Variants in ADGRL2 observed in about 807,000 individuals in gnomAD.
The protein encoded by ADGRL2 is calcium-independent alpha-latrotoxin receptor 2.
Under a neutral mutation model 157.4 loss-of-function variants are expected in ADGRL2, and 44 were observed. The observed-to-expected ratio is 0.28, with a 90% confidence interval of 0.22 to 0.36. ADGRL2 has a LOEUF of 0.36. ADGRL2 is among the 10% of genes least tolerant of loss of function. The pLI is 1.00. For synonymous variants in ADGRL2, 585 were observed against 624.7 expected, an observed-to-expected ratio of 0.94 and a Z score of 0.95; for missense variants, 1,510 against 1,768.9, an observed-to-expected ratio of 0.85 and a Z score of 2.63.
At chr1:81,477,667 C>T (rs79915205) in intron 2 of ADGRL2, among the ~76,000 whole-genome samples, 5,312 of 152,262 alleles carry the variant, frequency 0.035, 300 homozygotes, top group African/African-American at 0.12. Context: ...AAGAACAAAA[C>T]AGATGCATGC....
intron 1 of ADGRL2, among the ~76,000 whole-genome samples, chr1:81,371,597 A>G (rs537369992): frequency 6.6e-6 from 1 of 152,368 alleles, no homozygotes; most frequent in East Asian, 1.9e-4. Flanking sequence ...CTTGTAAATG[A>G]AACTTTGCAT....
At chr1:81,608,803 T>TC (rs1291497537) in intron 3 of ADGRL2, among the ~76,000 whole-genome samples, 1 of 152,210 alleles carries the variant, frequency 6.6e-6, no homozygotes, top group Non-Finnish European at 1.5e-5. Context: ...CCAATATTAC[T>TC]TGCCCATTTC....
intron 1 of ADGRL2, among the ~76,000 whole-genome samples, chr1:81,719,730 G>A (rs12729611): frequency 0.02 from 2,979 of 151,992 alleles, 48 homozygotes; most frequent in Non-Finnish European, 0.03. Context: ...CATCCCTTAG[G>A]TCTGGGATAT....
At chr1:81,854,357 T>G (rs2093127371) in intron 2 of ADGRL2, among the ~76,000 whole-genome samples, 1 of 152,178 alleles carries the variant, frequency 6.6e-6, no homozygotes, top group Non-Finnish European at 1.5e-5. Flanking sequence ...GTAGTGAAAT[T>G]ACATTTGTAC....
intron 1 of ADGRL2, among the ~76,000 whole-genome samples, chr1:81,427,780 A>C (rs189559967): frequency 8.5e-5 from 13 of 152,288 alleles, no homozygotes; most frequent in Non-Finnish European, 1.8e-4. Context: ...TTAAACAGGA[A>C]ACCTTCTTGT....
At chr1:81,639,262 T>A (rs1343356918) in intron 3 of ADGRL2, among the ~76,000 whole-genome samples, 1 of 151,978 alleles carries the variant, frequency 6.6e-6, no homozygotes, top group Non-Finnish European at 1.5e-5. Context: ...GTAGAGACGG[T>A]GTTTCACCAT....
At position 81,444,239 on chromosome 1, in the gene ADGRL2, T is replaced by C. The variant is rs573347083; in HGVS notation, c.-301-797T>C. ...TGCAAGACAGGTAAACCTTTCCTTATACTTTGGGAAAGAGCAATTGACTAC... is the reference window on the plus strand; with the variant it reads ...TGCAAGACAGGTAAACCTTTCCTTACACTTTGGGAAAGAGCAATTGACTAC... On this transcript the variant is annotated intron_variant, in intron 1 of 24. Transcript: ENST00000370721. 2.0e-5 allele frequency among the ~76,000 whole-genome samples: 3 copies of C among 152,364 alleles called. No homozygotes were observed. In the South Asian group the frequency reaches 6.2e-4, roughly 32 times the overall value.
At chr1:81,469,619 C>T (rs1181438182) in intron 2 of ADGRL2, among the ~76,000 whole-genome samples, 1 of 152,104 alleles carries the variant, frequency 6.6e-6, no homozygotes, top group Non-Finnish European at 1.5e-5. Context: ...TATTTCTTTC[C>T]CTTTTATCTA....
At chr1:81,317,243 C>T (rs1660168452) in intron 1 of ADGRL2, among the ~76,000 whole-genome samples, 1 of 152,110 alleles carries the variant, frequency 6.6e-6, no homozygotes, top group Non-Finnish European at 1.5e-5. Flanking sequence ...GATAAAAACC[C>T]TTTCTTGTAG....
intron 3 of ADGRL2, among the ~76,000 whole-genome samples, chr1:81,683,646 T>C (rs2083165778): frequency 6.7e-6 from 1 of 149,852 alleles, no homozygotes; most frequent in Non-Finnish European, 1.5e-5. Context: ...GGCTGCGTAG[T>C]ATTCCATTAT....
chr1:81,553,077 C>T (rs2080190043), intron 2 of ADGRL2, among the ~76,000 whole-genome samples: 1 of 152,066 alleles, frequency 6.6e-6, no homozygotes, highest in Non-Finnish European at 1.5e-5. Context: ...AGATGACTTC[C>T]ACCCAATCAT....
intron 1 of ADGRL2, among the ~76,000 whole-genome samples, chr1:81,712,311 T>C (rs992824650): frequency 6.6e-6 from 1 of 152,200 alleles, no homozygotes; most frequent in African/African-American, 2.4e-5. Flanking sequence ...ATCTTTCAAG[T>C]ACTTTTGGGC....
chr1:81,689,081 G>C (rs529163716), intron 3 of ADGRL2, among the ~76,000 whole-genome samples: 4 of 152,164 alleles, frequency 2.6e-5, no homozygotes, highest in Non-Finnish European at 5.9e-5. Context: ...TCTGGTGGAC[G>C]TGGTGAAGGG....
At position 81,581,471 on chromosome 1, in the gene ADGRL2, G is replaced by A. The variant is rs938320514; in HGVS notation, c.-143+491G>A. Among the ~76,000 whole-genome samples, 6 of 152,292 alleles carry A rather than the reference G, an allele frequency of 3.9e-5. No individual in the cohort carries two copies. The South Asian group carries it at 1.2e-3, about 32-fold the overall frequency. Reference sequence around the variant, plus strand: ...CAAGAAAAGGTCATTGGGACTTAAAGTAATGTGGATATCTTTACTAATGTA... The same window carrying A: ...CAAGAAAAGGTCATTGGGACTTAAAATAATGTGGATATCTTTACTAATGTA... On this transcript the variant is annotated intron_variant, in intron 3 of 24. Coordinates refer to the ADGRL2 transcript ENST00000370721.
At chr1:81,795,684 T>A (rs2087550815), upstream of ADGRL2, among the ~76,000 whole-genome samples, 1 of 152,188 alleles carries the variant, frequency 6.6e-6, no homozygotes, top group African/African-American at 2.4e-5. Context: ...CAAAGTCATA[T>A]TCGAGAGGCA....
In ADGRL2 at chr1:81,991,191, A is replaced by T; in HGVS notation, c.*46A>T. 2 of 1,529,430 alleles carry T rather than the reference A, an allele frequency of 1.3e-6. No homozygotes were observed. Among genetic ancestry groups the T allele is most frequent in the Non-Finnish European group, 1.8e-6 (2 of 1,134,918 alleles). 94.7% of individuals were successfully genotyped at this position (1,529,430 alleles called of 1,614,324 possible). A position where few individuals can be genotyped will look rare whatever the true frequency, so the allele number is the denominator to read the frequency against. On this transcript the variant is annotated 3_prime_UTR_variant, in exon 24 of 24. Coordinates refer to ENST00000686636, the MANE Select transcript of ADGRL2 (RefSeq NM_001366006.2). ...AAGGGCCACATGCGAGTATTAATAA[A>T]TAAAGACACCATTGGCCTGACGCAG...
chr1:81,649,547 C>T (rs1003150015), intron 3 of ADGRL2, among the ~76,000 whole-genome samples: 10 of 152,162 alleles, frequency 6.6e-5, no homozygotes, highest in African/African-American at 2.4e-4. Flanking sequence ...CATTTCTATT[C>T]TCCTGGAATA....
rs1478471543 is a variant in ADGRL2, at chr1:81,606,771, T to TGC, written c.-143+25792_-143+25793insCG. Among the ~76,000 whole-genome samples the TGC allele has an allele frequency of 3.9e-4, 34 of 86,566 alleles. 1 individual carries two copies. Among genetic ancestry groups the TGC allele is most frequent in the African/African-American group, 1.1e-3 (27 of 24,244 alleles). 56.8% of individuals were successfully genotyped at this position (86,566 alleles called of 152,430 possible). On this transcript the variant is annotated intron_variant, in intron 3 of 24. Transcript: ENST00000370721. ...GTGTGTGTGTGTGTGTGTGTGTGTG[T>TGC]GTGCGCACGCGTGTGTGTGTGTTTA...
chr1:81,516,254 TA>T (rs2079175793), intron 2 of ADGRL2, among the ~76,000 whole-genome samples: 1 of 152,206 alleles, frequency 6.6e-6, no homozygotes, highest in South Asian at 2.1e-4. Context: ...AAAATGACAA[TA>T]GATGTATGCC....
Sources: allele counts gnomAD v4.1 joint callset (sites outside exome capture counted in the v4.1 genomes callset), GRCh38; gene constraint gnomAD v4.1.1; transcripts MANE v1.5; gene names NCBI Gene and HGNC (gene_info 2026-07-23, HGNC 2026-07-21).